Variants in ZNHIT1 observed in about 807,000 individuals in gnomAD.
The protein encoded by ZNHIT1 is zinc finger HIT domain-containing protein 1.
A neutral mutation model predicts 21.4 loss-of-function variants in ZNHIT1; 20 were observed. That is an observed-to-expected ratio of 0.93 (90% CI 0.66 to 1.36). ZNHIT1 has a LOEUF of 1.36. Among genes scored for constraint, ZNHIT1 ranks in the 40% most tolerant of loss-of-function variants. The probability of loss-of-function intolerance (pLI) is 0.00; values close to 1 mark genes in which losing one functional copy is unlikely to be tolerated. For synonymous variants in ZNHIT1, 79 were observed against 84.0 expected, an observed-to-expected ratio of 0.94 and a Z score of 0.32; for missense variants, 170 against 213.5, an observed-to-expected ratio of 0.80 and a Z score of 1.27.
At position 101,218,218 on chromosome 7, in the gene ZNHIT1, G is replaced by T; in HGVS notation, c.22+1G>T. On this transcript the variant is annotated splice_donor_variant, in intron 1 of 4. Transcript: ENST00000305105. LOFTEE classifies it high-confidence loss of function. ...CCAATGGTGGAGAAGAAAACTTCGGGTATGTGAGCCCCCGCGGTTCGCCCC... is the reference window on the plus strand; with the variant it reads ...CCAATGGTGGAGAAGAAAACTTCGGTTATGTGAGCCCCCGCGGTTCGCCCC... 19 of 1,612,798 alleles carry T rather than the reference G, an allele frequency of 1.2e-5. No homozygotes were observed. The highest frequency in any genetic ancestry group is 1.6e-5 in the Non-Finnish European group (19 of 1,179,232).
chr7:101,222,284 C>T, intron 1 of ZNHIT1: 1 of 331,548 alleles, frequency 3.0e-6, no homozygotes, highest in East Asian at 5.1e-5. Flanking sequence ...CCCAGGACAG[C>T]CTGGAAGCCC....
At chr7:101,218,310 T>G in intron 1 of ZNHIT1, 93 bp downstream of exon 1, 1 of 1,453,352 alleles carries the variant, frequency 6.9e-7, no homozygotes, top group South Asian at 1.2e-5. Context: ...GTCTCGCTCT[T>G]TCGCCTAGGC....
In ZNHIT1 at chr7:101,223,925, C is replaced by T. The variant is rs755770993; in HGVS notation, c.444-12C>T. ...CTCTCTCCCCTCATCCTGGCTTCCC[C>T]TCTGTCTGCAGGTGTCTGAAGTGGA... On this transcript the variant is annotated splice_polypyrimidine_tract_variant and intron_variant, in intron 4 of 4. Transcript: ENST00000305105. The T allele has an allele frequency of 3.7e-6, 6 of 1,614,178 alleles. No homozygotes were observed. The highest frequency in any genetic ancestry group is 5.1e-6 in the Non-Finnish European group (6 of 1,180,028).
Position 101,222,660 on chromosome 7 carries a change from C to T in ZNHIT1, c.79C>T (p.Arg27Cys), listed in dbSNP as rs1477945148. ...RVLDRAARQR[R>C]INRQLEALEN... ...GCTGGACCGGGCTGCCCGGCAGCGT[C>T]GCATCAACCGGCAGCTGGAGGCCCT... Residue 27 changes from arginine (R) to cysteine (C), a missense_variant, in exon 2 of 5, where the codon CGC becomes TGC. Arg to Cys is a radical substitution (Grantham distance 180). Coordinates refer to ENST00000305105, the MANE Select transcript of ZNHIT1 (RefSeq NM_006349.3). The T allele has an allele frequency of 5.6e-6, 9 of 1,613,938 alleles. No individual in the cohort carries two copies. The highest frequency in any genetic ancestry group is 2.2e-5 in the East Asian group (1 of 44,896).
chr7:101,222,511 C>G, intron 1 of ZNHIT1, 93 bp from the exon 2 acceptor site: 1 of 1,441,158 alleles, frequency 6.9e-7, no homozygotes, highest in Non-Finnish European at 9.4e-7. Flanking sequence ...GCTGCAGCTT[C>G]CACCCCGGGT....
chr7:101,222,581 T>A (rs746634136), intron 1 of ZNHIT1, 23 bp from the exon 2 acceptor site: 5 of 1,597,664 alleles, frequency 3.1e-6, no homozygotes, highest in Non-Finnish European at 4.3e-6. Flanking sequence ...GCCCTGTAAC[T>A]TTGCGTGCCC....
chr7:101,219,951 C>T (rs991400356), intron 1 of ZNHIT1: 6 of 152,170 alleles, frequency 3.9e-5, no homozygotes, highest in African/African-American at 1.2e-4. Flanking sequence ...CTAGCCTACT[C>T]CATGCTGTAC....
rs777351235 is a variant in ZNHIT1 at position 101,223,927 on chromosome 7, C to G, written c.444-10C>G. On this transcript the variant is annotated splice_polypyrimidine_tract_variant and intron_variant, in intron 4 of 4. Transcript: ENST00000305105. ...CTCTCCCCTCATCCTGGCTTCCCCT[C>G]TGTCTGCAGGTGTCTGAAGTGGACT... is the stretch of plus-strand genomic sequence containing the variant. The G allele has an allele frequency of 5.0e-6, 8 of 1,614,084 alleles. No individual in the cohort carries two copies. Among genetic ancestry groups the G allele is most frequent in the Non-Finnish European group, 6.8e-6 (8 of 1,180,048 alleles).
Position 101,219,414 on chromosome 7 carries a change from A to T in ZNHIT1, c.22+1197A>T, listed in dbSNP as rs564367067. ...ATGAGCCACTGCGCTTGGCCCTTTT[A>T]GTTTTTCTTTCTTTCTTTTTTTTTC... On this transcript the variant is annotated intron_variant, in intron 1 of 4. Coordinates refer to ENST00000305105, the MANE Select transcript of ZNHIT1 (RefSeq NM_006349.3). 4 of 149,580 alleles carry T rather than the reference A, an allele frequency of 2.7e-5. No homozygotes were observed. The South Asian group carries it at 6.4e-4, about 24-fold the overall frequency. The allele number at this position is 149,580 out of a possible 1,614,324, so 9.3% of individuals were successfully genotyped here.
chr7:101,222,756 G>C lies in ZNHIT1; in HGVS notation c.175G>C (p.Asp59His). ...PQLGKRLPQF[D>H]DDADTGKKKK... ...GCTCGGCAAGAGACTGCCTCAGTTT[G>C]ATGACGATGCGGACACTGGTGAGGC... is the stretch of plus-strand genomic sequence containing the variant. Residue 59 changes from aspartate (D) to histidine (H), a missense_variant, in exon 2 of 5, where the codon GAT becomes CAT. Asp to His is a moderately conservative substitution (Grantham distance 81). Transcript: ENST00000305105. The C allele has an allele frequency of 1.2e-6, 2 of 1,614,014 alleles. No individual in the cohort carries two copies. The highest frequency in any genetic ancestry group is 1.7e-6 in the Non-Finnish European group (2 of 1,179,920).
At position 101,218,199 on chromosome 7, in the gene ZNHIT1, G is replaced by A. The variant is rs762021494; in HGVS notation, c.4G>A (p.Val2Met). 1.9e-6 allele frequency: 3 copies of A among 1,613,434 alleles called. No individual in the cohort carries two copies. Among genetic ancestry groups the A allele is most frequent in the Non-Finnish European group, 1.7e-6 (2 of 1,179,506 alleles). ...TTCCGACAGTTGTGTTGTGCCAATGGTGGAGAAGAAAACTTCGGGTATGTG... is the reference window on the plus strand; with the variant it reads ...TTCCGACAGTTGTGTTGTGCCAATGATGGAGAAGAAAACTTCGGGTATGTG... MVEKKTSVRSQD... is the reference protein window; with the variant it reads MMEKKTSVRSQD... The change falls in exon 1 of 5, where the codon GTG becomes ATG. Residue 2 changes from valine to methionine, a missense_variant. Val to Met is a conservative substitution (Grantham distance 21). Coordinates refer to ENST00000305105, the MANE Select transcript of ZNHIT1 (RefSeq NM_006349.3).
chr7:101,218,425 C>A (rs1226382664), intron 1 of ZNHIT1: 13 of 573,852 alleles, frequency 2.3e-5, no homozygotes, highest in Non-Finnish European at 3.7e-5. Context: ...AAGCATGAGG[C>A]CCCACGCCTG....
chr7:101,221,187 A>C (rs1017729142), intron 1 of ZNHIT1: 2 of 149,114 alleles, frequency 1.3e-5, no homozygotes, highest in East Asian at 2.0e-4. Context: ...TGCAGTGTCC[A>C]CAGGGCCAGT....
chr7:101,222,665 C>T lies in ZNHIT1; in HGVS notation c.84C>T (p.Ile28=), dbSNP rs758006157. Residue 28 remains isoleucine, a synonymous_variant, in exon 2 of 5, where the codon ATC becomes ATT. Transcript: ENST00000305105. ...VLDRAARQRR[I]NRQLEALEND... is the part of the protein sequence containing the mutation. ...ACCGGGCTGCCCGGCAGCGTCGCATCAACCGGCAGCTGGAGGCCCTGGAGA... is the reference window on the plus strand; with the variant it reads ...ACCGGGCTGCCCGGCAGCGTCGCATTAACCGGCAGCTGGAGGCCCTGGAGA... 34 of 1,614,010 alleles carry T rather than the reference C, an allele frequency of 2.1e-5. No individual in the cohort carries two copies. Among genetic ancestry groups the T allele is most frequent in the Admixed American group, 1.2e-4 (7 of 59,992 alleles).
chr7:101,218,748 CTG>C (rs1798326192), intron 1 of ZNHIT1: 1 of 155,090 alleles, frequency 6.4e-6, no homozygotes, highest in Non-Finnish European at 1.4e-5. Flanking sequence ...AGACCTAACA[CTG>C]TATTTTACTG....
intron 2 of ZNHIT1, 49 bp from the exon 3 acceptor site, chr7:101,223,428 G>T: frequency 6.3e-7 from 1 of 1,592,406 alleles, no homozygotes; most frequent in Non-Finnish European, 8.6e-7. Flanking sequence ...AGAGAAAGCT[G>T]CTGTCTTTCT....
At chr7:101,218,403 G>T in intron 1 of ZNHIT1, 186 bp downstream of exon 1, 1 of 630,494 alleles carries the variant, frequency 1.6e-6, no homozygotes, top group Non-Finnish European at 2.7e-6. Flanking sequence ...CCTCCGGAGT[G>T]GCTGGAACTG....
chr7:101,224,182 G>A lies in ZNHIT1; in HGVS notation c.*224G>A, dbSNP rs543291723. 49 of 654,486 alleles carry A rather than the reference G, an allele frequency of 7.5e-5. No homozygotes were observed. Among genetic ancestry groups the A allele is most frequent in the Non-Finnish European group, 9.8e-5 (38 of 386,996 alleles). 40.5% of individuals were successfully genotyped at this position (654,486 alleles called of 1,614,324 possible). On this transcript the variant is annotated 3_prime_UTR_variant, in exon 5 of 5. Coordinates refer to ENST00000305105, the MANE Select transcript of ZNHIT1 (RefSeq NM_006349.3). ...CAGTGCTGTTAGAATAAAAAGCCTC[G>A]TGCCGGAAGCCTTCCTGTTTGGTCG...
intron 1 of ZNHIT1, 63 bp downstream of exon 1, chr7:101,218,280 C>A: frequency 6.4e-7 from 1 of 1,561,148 alleles, no homozygotes; most frequent in Non-Finnish European, 8.7e-7. Flanking sequence ...ATTTTCTTAC[C>A]TAGTCATTCC....
Sources: allele counts gnomAD v4.1 joint callset, GRCh38; gene constraint gnomAD v4.1.1; transcripts MANE v1.5; gene names NCBI Gene and HGNC (gene_info 2026-07-23, HGNC 2026-07-21).